The following SMYD3 variants were observed in gnomAD, a reference collection of about 807,000 sequenced individuals.
SMYD3 encodes SET and MYND domain containing 3.
In SMYD3, 36 loss-of-function variants were observed where a neutral mutation model predicts 57.7. That is an observed-to-expected ratio of 0.62 (90% CI 0.48 to 0.82). SMYD3 has a LOEUF of 0.82. SMYD3 is among the 40% of genes least tolerant of loss of function. SMYD3 has a pLI of 0.00. For synonymous variants in SMYD3, 211 were observed against 195.0 expected, an observed-to-expected ratio of 1.08 and a Z score of -0.68; for missense variants, 515 against 538.8, an observed-to-expected ratio of 0.96 and a Z score of 0.44.
At chr1:245,784,754 G>A (rs1439929890) in intron 10 of SMYD3, among the ~76,000 whole-genome samples, 1 of 151,960 alleles carries the variant, frequency 6.6e-6, no homozygotes, top group African/African-American at 2.4e-5. Flanking sequence ...AGCCTTGGAA[G>A]TCGCATTGAT....
At chr1:246,487,340 G>C (rs534055673) in intron 1 of SMYD3, among the ~76,000 whole-genome samples, 11 of 151,844 alleles carry the variant, frequency 7.2e-5, no homozygotes, top group Non-Finnish European at 1.3e-4. Flanking sequence ...CCAGCTACTC[G>C]TCCCAGCTAC....
At chr1:245,876,280 G>A (rs2052479190) in intron 8 of SMYD3, among the ~76,000 whole-genome samples, 1 of 152,162 alleles carries the variant, frequency 6.6e-6, no homozygotes, top group African/African-American at 2.4e-5. Context: ...TATATACTTA[G>A]AATCACCTCA....
At chr1:246,200,990 A>G (rs187200906) in intron 5 of SMYD3, among the ~76,000 whole-genome samples, 11 of 152,338 alleles carry the variant, frequency 7.2e-5, no homozygotes, top group Non-Finnish European at 1.0e-4. Context: ...GTTTCTTGAC[A>G]ACGAGGATTT....
chr1:246,060,582 A>ATTTTTTTTTTTTTTT (rs1558191811), intron 5 of SMYD3, among the ~76,000 whole-genome samples: 3 of 152,178 alleles, frequency 2.0e-5, no homozygotes, highest in African/African-American at 7.2e-5. Flanking sequence ...CATTTTAATA[A>ATTTTTTTTTTTTTTT]ATTTTTATGA....
At chr1:245,770,395 T>G (rs1424290445) in intron 10 of SMYD3, among the ~76,000 whole-genome samples, 1 of 152,222 alleles carries the variant, frequency 6.6e-6, no homozygotes, top group Non-Finnish European at 1.5e-5. Context: ...GGCTTTCGAC[T>G]CTGACCACCA....
chr1:246,441,215 C>T lies in SMYD3; in HGVS notation c.164+65839G>A, dbSNP rs112331398. ...GAGTAATAGTGGTAGGTAAAATTCA[C>T]GCTGAGCCAGTTCTTTCTTGGTCGT... On this transcript the variant is annotated intron_variant, in intron 1 of 11. Coordinates refer to ENST00000490107, the MANE Select transcript of SMYD3 (RefSeq NM_001167740.2). 7.6e-3 allele frequency among the ~76,000 whole-genome samples: 1,163 copies of T among 152,272 alleles called. 13 individuals are homozygous for T. Among genetic ancestry groups the T allele is most frequent in the African/African-American group, 0.024 (1,010 of 41,548 alleles).
intron 5 of SMYD3, among the ~76,000 whole-genome samples, chr1:246,190,912 C>A (rs2062727633): frequency 6.6e-6 from 1 of 152,238 alleles, no homozygotes; most frequent in Non-Finnish European, 1.5e-5. Context: ...AAGCCAGTAT[C>A]AGAAAAGCAT....
chr1:246,397,000 A>G (rs1220048756), intron 1 of SMYD3, among the ~76,000 whole-genome samples: 2 of 152,220 alleles, frequency 1.3e-5, no homozygotes, highest in Non-Finnish European at 2.9e-5. Context: ...GGAGTGTGTC[A>G]CTGTGATGTA....
At chr1:246,418,199 C>T (rs1197480269) in intron 1 of SMYD3, among the ~76,000 whole-genome samples, 1 of 152,170 alleles carries the variant, frequency 6.6e-6, no homozygotes, top group Non-Finnish European at 1.5e-5. Flanking sequence ...CTCTCTAAGA[C>T]CAAAAAGCAA....
At chr1:246,206,766 C>T (rs1006125384) in intron 5 of SMYD3, among the ~76,000 whole-genome samples, 24 of 152,124 alleles carry the variant, frequency 1.6e-4, no homozygotes, top group African/African-American at 5.1e-4. Context: ...ATATTTAATG[C>T]TTTAATAAAG....
chr1:246,220,408 G>A (rs1169558389), intron 5 of SMYD3, among the ~76,000 whole-genome samples: 3 of 148,520 alleles, frequency 2.0e-5, no homozygotes, highest in African/African-American at 7.4e-5. Flanking sequence ...CCTGCTCCAC[G>A]AAGCAGGTGG....
At chr1:246,411,977 A>T (rs886865443) in intron 1 of SMYD3, among the ~76,000 whole-genome samples, 1 of 130,268 alleles carries the variant, frequency 7.7e-6, no homozygotes, top group African/African-American at 3.1e-5. Flanking sequence ...AAGTATAATA[A>T]AAAAAAAAAA....
intron 5 of SMYD3, among the ~76,000 whole-genome samples, chr1:245,953,506 C>T (rs1355945556): frequency 6.6e-6 from 1 of 151,198 alleles, no homozygotes; most frequent in African/African-American, 2.4e-5. Context: ...CTGCAAGCTC[C>T]GCCTCCTGGG....
chr1:246,391,500 G>C (rs1004355810), intron 1 of SMYD3, among the ~76,000 whole-genome samples: 1 of 151,040 alleles, frequency 6.6e-6, no homozygotes, highest in Non-Finnish European at 1.5e-5. Context: ...GAGGGGAAAG[G>C]AAAAGAGAAC....
Position 246,374,507 on chromosome 1 carries a change from G to A in SMYD3, c.165-19413C>T, listed in dbSNP as rs141094634. On this transcript the variant is annotated intron_variant, in intron 1 of 11. Coordinates refer to ENST00000490107, the MANE Select transcript of SMYD3 (RefSeq NM_001167740.2). Reference sequence around the variant, plus strand: ...TTTTCTCATTTTTCTCGATTTGACTGTATAATATGGCCCCTAAGCACAGTA... The same window carrying A: ...TTTTCTCATTTTTCTCGATTTGACTATATAATATGGCCCCTAAGCACAGTA... 2.1e-4 allele frequency among the ~76,000 whole-genome samples: 32 copies of A among 152,212 alleles called. No homozygotes were observed. The East Asian group carries it at 4.4e-3, about 21-fold the overall frequency.
chr1:246,295,538 G>A (rs1483015758), intron 5 of SMYD3, among the ~76,000 whole-genome samples: 2 of 152,060 alleles, frequency 1.3e-5, no homozygotes, highest in African/African-American at 2.4e-5. Flanking sequence ...AGGTTGCCAC[G>A]GTAACAATCT....
chr1:246,156,006 C>T (rs1572123052), intron 5 of SMYD3, among the ~76,000 whole-genome samples: 1 of 151,382 alleles, frequency 6.6e-6, no homozygotes, highest in South Asian at 2.1e-4. Context: ...AAAAATATAT[C>T]GACCTCTAAG....
intron 5 of SMYD3, among the ~76,000 whole-genome samples, chr1:246,147,719 AG>A (rs566873053): frequency 2.0e-4 from 30 of 151,892 alleles, no homozygotes; most frequent in Non-Finnish European, 3.7e-4. Context: ...GGGAGCAGAC[AG>A]GATCTGCCCT....
intron 5 of SMYD3, among the ~76,000 whole-genome samples, chr1:246,083,926 T>C (rs1306288862): frequency 6.6e-6 from 1 of 152,182 alleles, no homozygotes; most frequent in East Asian, 1.9e-4. Flanking sequence ...GTAAAAATTA[T>C]GAAAAATTTG....
Sources: gnomAD v4.1 joint callset for allele counts (sites outside exome capture counted in the v4.1 genomes callset) on GRCh38, gnomAD v4.1.1 for gene constraint, MANE v1.5 for transcripts, NCBI Gene and HGNC (gene_info 2026-07-23, HGNC 2026-07-21) for gene names.